VPS54: variants seen among roughly 807,000 people sequenced by gnomAD.
The protein encoded by VPS54 is vacuolar protein sorting-associated protein 54.
Under a neutral mutation model 121.5 loss-of-function variants are expected in VPS54, and 45 were observed. That is an observed-to-expected ratio of 0.37 (90% CI 0.29 to 0.47). VPS54 has a LOEUF of 0.47. Among genes scored for constraint, VPS54 ranks in the 20% least tolerant of loss-of-function variants. The pLI is 0.99. For missense variants in VPS54, 1,090 were observed against 1,131.4 expected (o/e 0.96, Z 0.52); for synonymous variants, 371 against 385.8 (o/e 0.96, Z 0.45).
At chr2:63,951,656 A>G (rs1219558789) in intron 7 of VPS54, among the ~76,000 whole-genome samples, 2 of 152,194 alleles carry the variant, frequency 1.3e-5, no homozygotes, top group Non-Finnish European at 2.9e-5. Flanking sequence ...CTTTTTAAAT[A>G]GTGCTGTGTA....
chr2:63,914,103 CTT>C lies in VPS54; in HGVS notation c.2334+77_2334+78del, dbSNP rs1321875150. The C allele has an allele frequency of 7.4e-6, 9 of 1,223,052 alleles. No homozygotes were observed. In the East Asian group the frequency reaches 2.1e-4, roughly 29 times the overall value. 75.8% of individuals were successfully genotyped at this position (1,223,052 alleles called of 1,614,324 possible). On this transcript the variant is annotated intron_variant, in intron 17 of 22. Coordinates refer to ENST00000272322, the MANE Select transcript of VPS54 (RefSeq NM_016516.3). ...TAAAGTTAATTTGACCTTGAAATGT[CTT>C]TGAGTTAAGATTAGTCACACCCTAA... is the stretch of plus-strand genomic sequence containing the variant.
At chr2:63,977,817 G>T (rs1213591357) in intron 3 of VPS54, among the ~76,000 whole-genome samples, 1 of 152,194 alleles carries the variant, frequency 6.6e-6, no homozygotes, top group Non-Finnish European at 1.5e-5. Flanking sequence ...GAGGTAAATA[G>T]GCCTTTAGTA....
chr2:63,892,721 G>A lies in VPS54; in HGVS notation c.*709C>T, dbSNP rs1241895285. 1.2e-5 allele frequency: 1 copy of A among 81,510 alleles called. No homozygotes were observed. Among genetic ancestry groups the A allele is most frequent in the South Asian group, 3.1e-4 (1 of 3,242 alleles). 5.0% of individuals were successfully genotyped at this position (81,510 alleles called of 1,614,324 possible). On this transcript the variant is annotated 3_prime_UTR_variant, in exon 23 of 23. Coordinates refer to ENST00000272322, the MANE Select transcript of VPS54 (RefSeq NM_016516.3). The stretch of plus-strand genomic sequence containing the variant: ...AAAGTATTTAGTTGCATAAATAGAT[G>A]CCAGGATCTTTTTTTTTAAGTATTA...
At chr2:63,927,566 G>GA (rs1448402891) in intron 12 of VPS54, among the ~76,000 whole-genome samples, 7 of 152,204 alleles carry the variant, frequency 4.6e-5, no homozygotes, top group African/African-American at 1.7e-4. Flanking sequence ...AACCAGAGTA[G>GA]AAATGCTGAA....
rs1457314015 is a variant in VPS54 at position 64,008,006 on chromosome 2, G to A, written c.-21+10932C>T. Reference sequence around the variant, plus strand: ...CAACAATATCAACATCTCTTTGGTGGTAAAAGGAAAAAAAAAAAAAGAACA... The same window carrying A: ...CAACAATATCAACATCTCTTTGGTGATAAAAGGAAAAAAAAAAAAAGAACA... On this transcript the variant is annotated intron_variant, in intron 1 of 22. Transcript: ENST00000272322. 7.3e-5 allele frequency among the ~76,000 whole-genome samples: 11 copies of A among 150,206 alleles called. No individual in the cohort carries two copies. In the South Asian group the frequency reaches 2.3e-3, roughly 31 times the overall value.
chr2:63,937,607 G>C (rs1317406353), intron 11 of VPS54, among the ~76,000 whole-genome samples: 1 of 152,102 alleles, frequency 6.6e-6, no homozygotes, highest in Non-Finnish European at 1.5e-5. Flanking sequence ...ATTACAAATA[G>C]GATGACCGTA....
At chr2:63,974,429 G>A (rs537903123) in intron 3 of VPS54, among the ~76,000 whole-genome samples, 5 of 152,118 alleles carry the variant, frequency 3.3e-5, no homozygotes, top group South Asian at 4.2e-4. Flanking sequence ...AGCTATTCTG[G>A]GTCTTTTTCT....
At chr2:64,018,277 T>G (rs1367110767) in intron 1 of VPS54, among the ~76,000 whole-genome samples, 3 of 152,030 alleles carry the variant, frequency 2.0e-5, no homozygotes, top group African/African-American at 7.2e-5. Flanking sequence ...CGCCTGTCAG[T>G]CAAAATGCTA....
At chr2:63,928,600 A>G (rs890722798) in intron 12 of VPS54, among the ~76,000 whole-genome samples, 7 of 152,212 alleles carry the variant, frequency 4.6e-5, no homozygotes, top group African/African-American at 1.7e-4. Context: ...AACTGCATCA[A>G]TTAGTGGGCG....
chr2:64,012,816 T>A (rs1017275460), intron 1 of VPS54, among the ~76,000 whole-genome samples: 1 of 152,206 alleles, frequency 6.6e-6, no homozygotes, highest in Non-Finnish European at 1.5e-5. Context: ...CTTTTTGGTC[T>A]ACTTCCTTAG....
intron 1 of VPS54, among the ~76,000 whole-genome samples, chr2:64,010,716 C>T (rs989037039): frequency 3.3e-5 from 5 of 152,122 alleles, no homozygotes. Flanking sequence ...TTTTAAAAAT[C>T]TTTAAATTTT....
intron 20 of VPS54, among the ~76,000 whole-genome samples, chr2:63,906,203 T>G (rs1672896935): frequency 6.6e-6 from 1 of 152,054 alleles, no homozygotes; most frequent in Admixed American, 6.6e-5. Context: ...GGAAAAGAAA[T>G]AAAAGGTATA....
chr2:63,987,184 G>A (rs988148633), intron 1 of VPS54, among the ~76,000 whole-genome samples: 3 of 152,088 alleles, frequency 2.0e-5, no homozygotes, highest in Non-Finnish European at 4.4e-5. Context: ...CTTTCTTTTC[G>A]TTGTTTCATA....
At chr2:63,992,522 A>G (rs1036476183) in intron 1 of VPS54, among the ~76,000 whole-genome samples, 1 of 152,244 alleles carries the variant, frequency 6.6e-6, no homozygotes, top group Non-Finnish European at 1.5e-5. Flanking sequence ...TCCTGATCCT[A>G]TTCCTTTACA....
intron 4 of VPS54, among the ~76,000 whole-genome samples, chr2:63,969,258 A>T (rs76297361): frequency 0.16 from 23,818 of 152,206 alleles, 2,406 homozygotes; most frequent in Middle Eastern, 0.26. Flanking sequence ...CAGACATAAA[A>T]GGCTTTATGC....
At chr2:63,950,927 T>C (rs780146720) in intron 7 of VPS54, among the ~76,000 whole-genome samples, 3 of 152,198 alleles carry the variant, frequency 2.0e-5, no homozygotes, top group African/African-American at 4.8e-5. Context: ...CCTATTATCA[T>C]GACATTTTTT....
intron 1 of VPS54, among the ~76,000 whole-genome samples, chr2:64,006,927 A>T (rs1304970880): frequency 6.6e-6 from 1 of 152,180 alleles, no homozygotes; most frequent in Non-Finnish European, 1.5e-5. Context: ...CAAACATCTT[A>T]CTTTTTAAAT....
intron 1 of VPS54, among the ~76,000 whole-genome samples, chr2:64,017,943 C>T (rs1319965080): frequency 1.3e-5 from 2 of 152,198 alleles, no homozygotes; most frequent in Non-Finnish European, 2.9e-5. Context: ...CCATCATTCC[C>T]TCTGTTCCAT....
chr2:64,013,359 G>C (rs942593412), intron 1 of VPS54, among the ~76,000 whole-genome samples: 2 of 152,056 alleles, frequency 1.3e-5, no homozygotes, highest in African/African-American at 2.4e-5. Flanking sequence ...TAAACCTAAA[G>C]AAGAGAGGAA....
Sources: allele counts gnomAD v4.1 joint callset (sites outside exome capture counted in the v4.1 genomes callset), GRCh38; gene constraint gnomAD v4.1.1; transcripts MANE v1.5; gene names NCBI Gene and HGNC (gene_info 2026-07-23, HGNC 2026-07-21).